Variants in RRM2 observed in about 807,000 individuals in gnomAD.
RRM2 encodes the protein ribonucleotide reductase regulatory subunit M2.
RRM2 carries 6 observed loss-of-function variants against 45.9 expected under a neutral mutation model. That is an observed-to-expected ratio of 0.13 (90% CI 0.07 to 0.26). The LOEUF (loss-of-function observed/expected upper bound fraction) is 0.26. RRM2 is among the 10% of genes least tolerant of loss of function. The probability of loss-of-function intolerance (pLI) is 1.00; values close to 1 mark genes in which losing one functional copy is unlikely to be tolerated. For missense variants in RRM2, 343 were observed against 489.5 expected, an observed-to-expected ratio of 0.70 and a Z score of 2.82; for synonymous variants, 177 against 173.0, an observed-to-expected ratio of 1.02 and a Z score of -0.18.
At position 10,176,626 on chromosome 2, in the gene RRM2, G is replaced by T. The variant is rs562015965; in HGVS notation, n.483-33685G>T. Among the ~76,000 whole-genome samples the T allele has an allele frequency of 2.1e-5, 3 of 141,202 alleles. No homozygotes were observed. The South Asian group carries it at 6.4e-4, about 30-fold the overall frequency. The allele number at this position is 141,202 out of a possible 152,430, so 92.6% of individuals were successfully genotyped here. On this transcript the variant is annotated intron_variant and non_coding_transcript_variant, in intron 3 of 3. Transcript: ENST00000381786. Reference sequence around the variant, plus strand: ...CAGTGGCTGCATCATTTTACATTTTGTATCTGGTTTCTTTTGCTTAATATT... The same window carrying T: ...CAGTGGCTGCATCATTTTACATTTTTTATCTGGTTTCTTTTGCTTAATATT...
chr2:10,126,855 A>T lies in RRM2; in HGVS notation c.570-20A>T. 1 of 1,594,476 alleles carries T rather than the reference A, an allele frequency of 6.3e-7. No homozygotes were observed. Among genetic ancestry groups the T allele is most frequent in the Admixed American group, 1.7e-5 (1 of 58,244 alleles). Reference sequence around the variant, plus strand: ...TTTTACTGTAATGCTTCAATTGCTGATACCGTATGTGCCTACTAGGGAATT... The same window carrying T: ...TTTTACTGTAATGCTTCAATTGCTGTTACCGTATGTGCCTACTAGGGAATT... On this transcript the variant is annotated intron_variant, in intron 5 of 9. Transcript: ENST00000304567.
rs866830356 is a variant in RRM2, at chr2:10,171,447, G to A, written n.482+29072G>A. 1.3e-5 allele frequency among the ~76,000 whole-genome samples: 2 copies of A among 152,216 alleles called. No homozygotes were observed. Among genetic ancestry groups the A allele is most frequent in the Non-Finnish European group, 2.9e-5 (2 of 68,032 alleles). ...TGAGCCGTGCTTCCAGGGCAGCCCCGGCCCTTCATGTCAGCTGGTGACATT... is the reference window on the plus strand; with the variant it reads ...TGAGCCGTGCTTCCAGGGCAGCCCCAGCCCTTCATGTCAGCTGGTGACATT... On this transcript the variant is annotated intron_variant and non_coding_transcript_variant, in intron 3 of 3. Transcript: ENST00000381786. The surrounding 1 kb of genome is among the most constrained non-coding windows in gnomAD (Gnocchi z 4.1).
At chr2:10,126,330 CTG>C (rs889413812) in intron 5 of RRM2, among the ~76,000 whole-genome samples, 1 of 152,076 alleles carries the variant, frequency 6.6e-6, no homozygotes, top group African/African-American at 2.4e-5. Flanking sequence ...ATCCAGTTAA[CTG>C]TAGTACCCAT....
In RRM2 at chr2:10,205,268, C is replaced by T. The variant is rs1459838482; in HGVS notation, n.483-5043C>T. 6.6e-6 allele frequency among the ~76,000 whole-genome samples: 1 copy of T among 152,214 alleles called. No individual in the cohort carries two copies. Among genetic ancestry groups the T allele is most frequent in the African/African-American group, 2.4e-5 (1 of 41,456 alleles). On this transcript the variant is annotated intron_variant and non_coding_transcript_variant, in intron 3 of 3. Transcript: ENST00000381786. This position sits in a 1 kb window ranked among gnomAD's most constrained non-coding sequence, Gnocchi z 4.8. ...GTATTGACGATCAGCGAACAGTCTCCTGGGGAGTCAGCTTGAATGGGGCCT... is the reference window on the plus strand; with the variant it reads ...GTATTGACGATCAGCGAACAGTCTCTTGGGGAGTCAGCTTGAATGGGGCCT...
intron 3 of RRM2, among the ~76,000 whole-genome samples, chr2:10,177,289 A>T (rs927826730): frequency 1.3e-5 from 2 of 151,814 alleles, no homozygotes; most frequent in African/African-American, 4.8e-5. Context: ...AATAAAAAAA[A>T]ATATGGTACT....
At chr2:10,124,592 T>C (rs959750611) in intron 4 of RRM2, 125 bp from the exon 5 acceptor site, 123 of 1,026,322 alleles carry the variant, frequency 1.2e-4, no homozygotes, top group Admixed American at 5.3e-4. Context: ...TTGTGACAAA[T>C]TGGATGAAAT....
intron 3 of RRM2, among the ~76,000 whole-genome samples, chr2:10,209,460 G>T (rs1423362080): frequency 6.6e-6 from 1 of 152,132 alleles, no homozygotes; most frequent in Non-Finnish European, 1.5e-5. Context: ...CTATTGTTTT[G>T]TCTGCCCAGT....
rs779934028 is a variant in RRM2 at position 10,123,057 on chromosome 2, G to A, written c.174G>A (p.Pro58=). ...ARRIFQEPTE[P]KTKAAAPGVE... ...GGATCTTCCAGGAGCCCACGGAGCC[G>A]GTGAGTGGCGGGCGTGGGGCAGAGG... The change falls in exon 2 of 10, where the codon CCG becomes CCA. Residue 58 remains proline, a splice_region_variant and synonymous_variant. Coordinates refer to ENST00000304567, the MANE Select transcript of RRM2 (RefSeq NM_001034.4). 1.3e-6 allele frequency: 2 copies of A among 1,554,196 alleles called. No homozygotes were observed. Among genetic ancestry groups the A allele is most frequent in the Non-Finnish European group, 1.7e-6 (2 of 1,157,052 alleles).
chr2:10,183,287 T>A (rs1463291941), intron 3 of RRM2, among the ~76,000 whole-genome samples: 1 of 152,250 alleles, frequency 6.6e-6, no homozygotes, highest in Non-Finnish European at 1.5e-5. Flanking sequence ...AAGGATTTTA[T>A]GTCCCTCAGG....
In RRM2 at chr2:10,127,144, C is replaced by T. The variant is rs1319074724; in HGVS notation, c.722C>T (p.Ala241Val). The T allele has an allele frequency of 2.8e-5, 45 of 1,614,100 alleles. No homozygotes were observed. The highest frequency in any genetic ancestry group is 4.5e-5 in the East Asian group (2 of 44,886). ...GGCATTTTCTTTTCCGGTTCTTTTG[C>T]GTCGATATTCTGGCTCAAGAAACGA... ...VEGIFFSGSF[A>V]SIFWLKKRGL... Residue 241 changes from alanine (A) to valine (V), a missense_variant, in exon 7 of 10, where the codon GCG becomes GTG. Physicochemically the swap from Ala to Val is moderately conservative, Grantham distance 64 (BLOSUM62 0). This residue lies in a region of RRM2 where 212 missense variants were observed against 368.1 expected (regional missense o/e 0.58). Coordinates refer to ENST00000304567, the MANE Select transcript of RRM2 (RefSeq NM_001034.4). This position sits in a 1 kb window ranked among gnomAD's most constrained non-coding sequence, Gnocchi z 4.1.
rs546145944 is a variant in RRM2, at chr2:10,193,628, C to T, written n.483-16683C>T. On this transcript the variant is annotated intron_variant and non_coding_transcript_variant, in intron 3 of 3. Coordinates refer to the RRM2 transcript ENST00000381786. ...TCCTTGTAGCAAACATCGCTGACTG[C>T]CTACCACACGCCCGGGGACCTCCTG... Among the ~76,000 whole-genome samples, 46 of 152,328 alleles carry T rather than the reference C, an allele frequency of 3.0e-4. 2 individuals carry two copies. In the South Asian group the frequency reaches 6.6e-3, roughly 22 times the overall value.
intron 3 of RRM2, among the ~76,000 whole-genome samples, chr2:10,188,495 T>A (rs1256702523): frequency 6.6e-6 from 1 of 152,148 alleles, no homozygotes; most frequent in East Asian, 1.9e-4. Flanking sequence ...CCTACTGGAT[T>A]AGGGTCCCAC....
rs112148553 is a variant in RRM2, at chr2:10,200,703, G to A, written n.483-9608G>A. On this transcript the variant is annotated intron_variant and non_coding_transcript_variant, in intron 3 of 3. Coordinates refer to the RRM2 transcript ENST00000381786. ...TGCGCGCACAAATTATGAGTCCCAC[G>A]GGGACCGCGCACACAAAATATGAGG... Among the ~76,000 whole-genome samples, 377 of 122,426 alleles carry A rather than the reference G, an allele frequency of 3.1e-3. 44 individuals are homozygous for A. Among genetic ancestry groups the A allele is most frequent in the African/African-American group, 8.7e-3 (260 of 29,936 alleles). 80.3% of individuals were successfully genotyped at this position (122,426 alleles called of 152,430 possible). A position where few individuals can be genotyped will look rare whatever the true frequency, so the allele number is the denominator to read the frequency against.
chr2:10,155,447 G>A (rs894336239), intron 3 of RRM2, among the ~76,000 whole-genome samples: 2 of 152,112 alleles, frequency 1.3e-5, no homozygotes, highest in African/African-American at 4.8e-5. Flanking sequence ...GAGGAGTGGA[G>A]GGGATGTGGG....
chr2:10,167,887 C>T (rs1663715702), intron 3 of RRM2, among the ~76,000 whole-genome samples: 1 of 152,152 alleles, frequency 6.6e-6, no homozygotes, highest in Non-Finnish European at 1.5e-5. Flanking sequence ...GAGGAATTGT[C>T]TCCCGGGCTT....
At chr2:10,196,998 G>C (rs942971840) in intron 3 of RRM2, among the ~76,000 whole-genome samples, 6 of 152,204 alleles carry the variant, frequency 3.9e-5, no homozygotes, top group Non-Finnish European at 7.3e-5. Context: ...GGGTCCAGGG[G>C]AGCCAGCTCA....
chr2:10,207,549 GC>G (rs1381502491), intron 3 of RRM2, among the ~76,000 whole-genome samples: 1 of 152,140 alleles, frequency 6.6e-6, no homozygotes, highest in Non-Finnish European at 1.5e-5. Flanking sequence ...TCCCGCCCCA[GC>G]CTCTCTGGAC....
At chr2:10,165,970 G>C (rs1663670301) in intron 3 of RRM2, among the ~76,000 whole-genome samples, 1 of 152,186 alleles carries the variant, frequency 6.6e-6, no homozygotes, top group East Asian at 1.9e-4. Context: ...GGCAGCAGCC[G>C]CATCAGAGGC....
intron 3 of RRM2, among the ~76,000 whole-genome samples, chr2:10,146,958 A>T (rs1433020350): frequency 2.0e-5 from 3 of 150,956 alleles, no homozygotes; most frequent in Non-Finnish European, 4.4e-5. Context: ...TTCTTTATTT[A>T]TTTTTATTTA....
Sources: gnomAD v4.1 joint callset for allele counts (sites outside exome capture counted in the v4.1 genomes callset) on GRCh38, gnomAD v4.1.1 for gene constraint, gnomAD v4.1.1 regional missense constraint, Gnocchi (gnomAD v3.1) non-coding constraint, MANE v1.5 for transcripts, NCBI Gene and HGNC (gene_info 2026-07-23, HGNC 2026-07-21) for gene names.